The following TGFBRAP1 variants were observed in gnomAD, a reference collection of about 807,000 sequenced individuals.
TGFBRAP1 encodes the protein transforming growth factor beta receptor associated protein 1.
In TGFBRAP1, 20 loss-of-function variants were observed where a neutral mutation model predicts 83.2. The observed-to-expected ratio is 0.24, with a 90% confidence interval of 0.17 to 0.35. TGFBRAP1 has a LOEUF of 0.35. Among genes scored for constraint, TGFBRAP1 ranks in the 10% least tolerant of loss-of-function variants. The pLI is 1.00. For missense variants in TGFBRAP1, 950 were observed against 1,099.4 expected, an observed-to-expected ratio of 0.86 and a Z score of 1.92; for synonymous variants, 415 against 459.8, an observed-to-expected ratio of 0.90 and a Z score of 1.25.
chr2:105,262,327 G>A (rs766794062), downstream of TGFBRAP1, among the ~76,000 whole-genome samples: 26 of 152,176 alleles, frequency 1.7e-4, no homozygotes, highest in East Asian at 1.2e-3. Context: ...GTTAGTTCAC[G>A]TGAGAGCTGG....
At chr2:105,310,407 A>C (rs1432182520) in intron 1 of TGFBRAP1, among the ~76,000 whole-genome samples, 3 of 152,102 alleles carry the variant, frequency 2.0e-5, no homozygotes, top group African/African-American at 7.2e-5. Flanking sequence ...ACCTCCGCCA[A>C]AACACAGCCT....
At chr2:105,305,086 A>G (rs1678450796) in intron 2 of TGFBRAP1, among the ~76,000 whole-genome samples, 1 of 152,192 alleles carries the variant, frequency 6.6e-6, no homozygotes, top group Admixed American at 6.5e-5. Flanking sequence ...GGTGCTAATG[A>G]TGTGCCCCCT....
chr2:105,307,660 C>T lies in TGFBRAP1; in HGVS notation c.642G>A (p.Lys214=). Residue 214 remains lysine, a synonymous_variant, in exon 2 of 12, where the codon AAG becomes AAA. Coordinates refer to ENST00000393359, the MANE Select transcript of TGFBRAP1 (RefSeq NM_004257.6). ...YCSEERPPIV[K]RIGRQEFLLA... is the part of the protein sequence containing the mutation. The stretch of plus-strand genomic sequence containing the variant: ...GCAGGAACTCCTGTCTCCCTATCCT[C>T]TTGACGATCGGCGGCCTCTCCTCAC... 6.2e-7 allele frequency: 1 copy of T among 1,614,088 alleles called. No individual in the cohort carries two copies. Among genetic ancestry groups the T allele is most frequent in the South Asian group, 1.1e-5 (1 of 91,076 alleles).
chr2:105,276,918 C>T (rs1677370711), intron 7 of TGFBRAP1, among the ~76,000 whole-genome samples: 1 of 152,092 alleles, frequency 6.6e-6, no homozygotes, highest in African/African-American at 2.4e-5. Flanking sequence ...GCTCTTGGCC[C>T]CTCACAAAAT....
At chr2:105,255,898 C>G in the TGFBRAP1 span, among the ~76,000 whole-genome samples, 24 of 152,252 alleles carry the variant, frequency 1.6e-4, no homozygotes, top group South Asian at 5.0e-3. Context: ...CCTGACCAAC[C>G]TGGTGCCTCT....
intron 5 of TGFBRAP1, among the ~76,000 whole-genome samples, chr2:105,281,194 C>T (rs1677525721): frequency 6.6e-6 from 1 of 152,206 alleles, no homozygotes; most frequent in Admixed American, 6.5e-5. Context: ...CTTACAACTT[C>T]CTCACCAACA....
chr2:105,278,066 ATATGTG>A (rs1204723709), intron 6 of TGFBRAP1, among the ~76,000 whole-genome samples: 2 of 113,702 alleles, frequency 1.8e-5, no homozygotes, highest in African/African-American at 3.5e-5. Context: ...CTCAAAAAAT[ATATGTG>A]TGTGTGTGTG....
At chr2:105,267,896 T>G in intron 11 of TGFBRAP1, 36 of 985,088 alleles carry the variant, frequency 3.7e-5, no homozygotes, top group Non-Finnish European at 4.2e-5. Flanking sequence ...TGAATGTTAA[T>G]GCTGAATGAG....
At chr2:105,300,455 C>CT (rs1491371067) in intron 2 of TGFBRAP1, among the ~76,000 whole-genome samples, 1 of 83,922 alleles carries the variant, frequency 1.2e-5, no homozygotes, top group Non-Finnish European at 2.1e-5. Context: ...TTTTTTTTTT[C>CT]CGAGACAGTC....
At chr2:105,279,785 C>T (rs1459630400) in intron 6 of TGFBRAP1, among the ~76,000 whole-genome samples, 1 of 152,164 alleles carries the variant, frequency 6.6e-6, no homozygotes, top group Non-Finnish European at 1.5e-5. Context: ...CCCCTGTAAT[C>T]CCAGCACTTT....
chr2:105,307,553 T>C, intron 2 of TGFBRAP1, 61 bp downstream of exon 2: 1 of 1,509,344 alleles, frequency 6.6e-7, no homozygotes. Flanking sequence ...ACTCTCCAGT[T>C]TCAACACGCA....
At chr2:105,283,444 G>C (rs1442850475) in intron 5 of TGFBRAP1, among the ~76,000 whole-genome samples, 1 of 152,204 alleles carries the variant, frequency 6.6e-6, no homozygotes. Context: ...GTCACTACTT[G>C]GATGAAAATA....
chr2:105,316,448 TGTGTGTGTGTGTGTGCGCGCGC>T (rs1266552834), intron 1 of TGFBRAP1, among the ~76,000 whole-genome samples: 37 of 76,134 alleles, frequency 4.9e-4, no homozygotes, highest in Admixed American at 4.8e-3. Flanking sequence ...TGTGTGTGTG[TGTGTGTGTGTGTGTGCGCGCGC>T]GCGCGCGCGC....
In TGFBRAP1 at chr2:105,267,337, C is replaced by G. The variant is rs987005851; in HGVS notation, c.*46G>C. ...TCATCTGCTCTTCATGTCCAGCAGG[C>G]TCAGAAAGAACTCGGAGTTCCCCTC... On this transcript the variant is annotated 3_prime_UTR_variant, in exon 12 of 12. Coordinates refer to ENST00000393359, the MANE Select transcript of TGFBRAP1 (RefSeq NM_004257.6). 11 of 1,605,686 alleles carry G rather than the reference C, an allele frequency of 6.9e-6. No individual in the cohort carries two copies. The highest frequency in any genetic ancestry group is 7.7e-6 in the Non-Finnish European group (9 of 1,175,038).
the TGFBRAP1 span, among the ~76,000 whole-genome samples, chr2:105,252,808 A>G: frequency 7.5e-6 from 1 of 132,682 alleles, no homozygotes; most frequent in African/African-American, 2.9e-5. Flanking sequence ...GCTGGAATGC[A>G]GTGGCGTGAT....
rs552829902 is a variant in TGFBRAP1 at position 105,282,762 on chromosome 2, G to C, written c.1121+1554C>G. Among the ~76,000 whole-genome samples, 13 of 151,858 alleles carry C rather than the reference G, an allele frequency of 8.6e-5. No individual in the cohort carries two copies. The East Asian group carries it at 2.1e-3, about 25-fold the overall frequency. ...AGATCATTGAGCCCAGAAGGTCGAG[G>C]CTGCGGTGAGCTATGATTGCACCAC... On this transcript the variant is annotated intron_variant, in intron 5 of 11. Coordinates refer to ENST00000393359, the MANE Select transcript of TGFBRAP1 (RefSeq NM_004257.6).
chr2:105,294,300 G>C (rs1678009445), intron 4 of TGFBRAP1, among the ~76,000 whole-genome samples: 1 of 126,866 alleles, frequency 7.9e-6, no homozygotes, highest in African/African-American at 3.0e-5. Flanking sequence ...TGCTTCATAG[G>C]AGTGAGGGTG....
intron 4 of TGFBRAP1, among the ~76,000 whole-genome samples, chr2:105,285,042 A>G (rs192145290): frequency 2.1e-3 from 321 of 152,234 alleles, no homozygotes; most frequent in African/African-American, 7.5e-3. Flanking sequence ...GGTGTCTCTG[A>G]TCCCACGCCC....
At chr2:105,303,259 G>A (rs893248) in intron 2 of TGFBRAP1, among the ~76,000 whole-genome samples, 42,364 of 152,092 alleles carry the variant, frequency 0.28, 6,160 homozygotes, top group South Asian at 0.34. Context: ...GCAAGACCTC[G>A]TTTCTAAAAG....
Sources: gnomAD v4.1 joint callset for allele counts (sites outside exome capture counted in the v4.1 genomes callset) on GRCh38, gnomAD v4.1.1 for gene constraint, MANE v1.5 for transcripts, NCBI Gene and HGNC (gene_info 2026-07-23, HGNC 2026-07-21) for gene names.